The following FIRRM variants were observed in gnomAD, a reference collection of about 807,000 sequenced individuals.
FIRRM encodes FIGNL1-interacting regulator of recombination and mitosis.
chr1:169,832,196 A>G, the FIRRM span, among the ~76,000 whole-genome samples: 1 of 152,322 alleles, frequency 6.6e-6, no homozygotes, highest in South Asian at 2.1e-4. Flanking sequence ...CAAAATGATA[A>G]TTAGAAATAG....
the FIRRM span, chr1:169,795,515 T>G: frequency 6.0e-6 from 7 of 1,159,760 alleles, no homozygotes; most frequent in Non-Finnish European, 6.4e-6. Flanking sequence ...ACTCGTTGCT[T>G]GCAATTAAGT....
chr1:169,826,981 A>G, the FIRRM span: 1 of 1,393,350 alleles, frequency 7.2e-7, no homozygotes, highest in Non-Finnish European at 1.0e-6. Flanking sequence ...ACATCAGTTT[A>G]TAGTACTTAC....
At chr1:169,797,732 G>T in the FIRRM span, among the ~76,000 whole-genome samples, 4 of 151,980 alleles carry the variant, frequency 2.6e-5, no homozygotes, top group African/African-American at 9.7e-5. Flanking sequence ...CTTTAGTAGA[G>T]ATGGTTTCAC....
chr1:169,852,855 A>T, the FIRRM span: 32 of 1,614,052 alleles, frequency 2.0e-5, no homozygotes, highest in Non-Finnish European at 5.1e-6. Context: ...CGCTGCATAC[A>T]ATAGCAGGGG....
chr1:169,849,547 T>G, the FIRRM span: 1 of 1,613,964 alleles, frequency 6.2e-7, no homozygotes, highest in African/African-American at 1.3e-5. Flanking sequence ...TACTGCTAGC[T>G]GACAGGAGTT....
the FIRRM span, among the ~76,000 whole-genome samples, chr1:169,837,354 A>G: frequency 1.3e-5 from 2 of 152,232 alleles, no homozygotes; most frequent in African/African-American, 4.8e-5. Flanking sequence ...ATGTTGAGAC[A>G]TGATCAAACA....
the FIRRM span, among the ~76,000 whole-genome samples, chr1:169,844,277 C>T: frequency 6.6e-6 from 1 of 152,210 alleles, no homozygotes; most frequent in Admixed American, 6.5e-5. Context: ...CTAGGGAACC[C>T]TTGTGGTGCC....
the FIRRM span, chr1:169,851,966 T>C: frequency 4.3e-6 from 7 of 1,613,834 alleles, no homozygotes; most frequent in South Asian, 6.6e-5. Context: ...GGGGCCAAAC[T>C]TTAACAAGGC....
the FIRRM span, chr1:169,795,997 A>G: frequency 3.1e-6 from 3 of 981,534 alleles, no homozygotes; most frequent in African/African-American, 1.7e-5. Flanking sequence ...AACCATATGT[A>G]TATGTATCTT....
chr1:169,840,028 T>C, the FIRRM span, among the ~76,000 whole-genome samples: 1 of 152,218 alleles, frequency 6.6e-6, no homozygotes, highest in Admixed American at 6.5e-5. Flanking sequence ...AATGATCACA[T>C]GGCTGTAGGT....
At chr1:169,853,833 G>A in the FIRRM span, 59 of 1,572,838 alleles carry the variant, frequency 3.8e-5, 1 homozygote, top group South Asian at 4.3e-4. Flanking sequence ...AAAATCATAC[G>A]CAAATTTGAA....
At chr1:169,803,744 CACAG>C in the FIRRM span, among the ~76,000 whole-genome samples, 2 of 152,130 alleles carry the variant, frequency 1.3e-5, no homozygotes, top group African/African-American at 4.8e-5. Context: ...ATTTATGGGT[CACAG>C]ACAGTTTTAA....
chr1:169,826,776 T>C, the FIRRM span, among the ~76,000 whole-genome samples: 1 of 152,342 alleles, frequency 6.6e-6, no homozygotes, highest in Admixed American at 6.5e-5. Flanking sequence ...AAGGATATTG[T>C]GAAAATGATA....
At chr1:169,829,415 T>C in the FIRRM span, 4 of 1,613,304 alleles carry the variant, frequency 2.5e-6, no homozygotes, top group Admixed American at 6.7e-5. Flanking sequence ...TGTACATTTA[T>C]TACTTCCTTT....
chr1:169,842,848 A>G, the FIRRM span, among the ~76,000 whole-genome samples: 4 of 152,142 alleles, frequency 2.6e-5, no homozygotes, highest in Admixed American at 2.6e-4. Context: ...AGGTTAATGT[A>G]TCCTATTTCT....
chr1:169,807,503 C>T, the FIRRM span, among the ~76,000 whole-genome samples: 4 of 152,140 alleles, frequency 2.6e-5, no homozygotes, highest in East Asian at 1.9e-4. Flanking sequence ...GCAGGTAAGG[C>T]GGAGATTGTG....
chr1:169,800,199 A>G, the FIRRM span, among the ~76,000 whole-genome samples: 4 of 151,670 alleles, frequency 2.6e-5, no homozygotes, highest in African/African-American at 7.3e-5. Flanking sequence ...ATGCGTGGCT[A>G]ATTTTCTATT....
chr1:169,808,834 G>A, the FIRRM span, among the ~76,000 whole-genome samples: 1 of 152,060 alleles, frequency 6.6e-6, no homozygotes, highest in African/African-American at 2.4e-5. Context: ...CCTGACCTCA[G>A]GTGGTCCACC....
chr1:169,850,987 T>G, the FIRRM span: 1 of 54,060 alleles, frequency 1.8e-5, no homozygotes, highest in Non-Finnish European at 3.8e-5. Context: ...TGGCTTTTTT[T>G]TTTTTTTTTT....
Sources: gnomAD v4.1 joint callset for allele counts (sites outside exome capture counted in the v4.1 genomes callset) on GRCh38, gnomAD v4.1.1 for gene constraint, MANE v1.5 for transcripts, NCBI Gene and HGNC (gene_info 2026-07-23, HGNC 2026-07-21) for gene names.